The following CCNP variants were observed in gnomAD, a reference collection of about 807,000 sequenced individuals.
The protein encoded by CCNP is cyclin P.
A neutral mutation model predicts 19.6 loss-of-function variants in CCNP; 18 were observed. That is an observed-to-expected ratio of 0.92 (90% CI 0.64 to 1.36). CCNP has a LOEUF of 1.36. Among genes scored for constraint, CCNP ranks in the 40% most tolerant of loss-of-function variants. The probability of loss-of-function intolerance (pLI) is 0.00; values close to 1 mark genes in which losing one functional copy is unlikely to be tolerated. For synonymous variants in CCNP, 228 were observed against 194.9 expected, an observed-to-expected ratio of 1.17 and a Z score of -1.41; for missense variants, 440 against 424.4, an observed-to-expected ratio of 1.04 and a Z score of -0.32.
Position 40,226,530 on chromosome 19 carries a change from C to G in CCNP, c.112G>C (p.Glu38Gln). Reference sequence around the variant, plus strand: ...TCGGGGACTGCGGCGCTTGAAGGCTCTGCGTCGAGGGAGGCAGCGAGACTC... The same window carrying G: ...TCGGGGACTGCGGCGCTTGAAGGCTGTGCGTCGAGGGAGGCAGCGAGACTC... ...LQSLAASLDAEPSSAAVPDGF... is the reference protein window; with the variant it reads ...LQSLAASLDAQPSSAAVPDGF... The change falls in exon 1 of 5, where the codon GAG becomes CAG. Residue 38 changes from glutamate (E) to glutamine (Q), a missense_variant. Coordinates refer to ENST00000430325, the MANE Select transcript of CCNP (RefSeq NM_024877.4). 1 of 1,590,412 alleles carries G rather than the reference C, an allele frequency of 6.3e-7. No individual in the cohort carries two copies. The highest frequency in any genetic ancestry group is 8.5e-7 in the Non-Finnish European group (1 of 1,169,880).
chr19:40,223,694 CG>C (rs1973493719), intron 3 of CCNP, 148 bp from the exon 4 acceptor site: 1 of 1,139,632 alleles, frequency 8.8e-7, no homozygotes, highest in Non-Finnish European at 1.3e-6. Context: ...GTAGAGAGCA[CG>C]GGCTTGAGGG....
rs1486341900 is a variant in CCNP, at chr19:40,225,055, G to C, written c.268-244C>G. 3.6e-5 allele frequency: 17 copies of C among 473,594 alleles called. No homozygotes were observed. In the East Asian group the frequency reaches 4.9e-4, roughly 14 times the overall value. The allele number at this position is 473,594 out of a possible 1,614,324, so 29.3% of individuals were successfully genotyped here. ...CTGGGCGTCTCCCTCTAGGTTCCCA[G>C]ACTTCACTTTTTTTTTTTTTTTTTG... On this transcript the variant is annotated intron_variant, in intron 1 of 4. Coordinates refer to ENST00000430325, the MANE Select transcript of CCNP (RefSeq NM_024877.4).
chr19:40,225,731 C>A (rs550910857), intron 1 of CCNP, among the ~76,000 whole-genome samples: 1 of 152,226 alleles, frequency 6.6e-6, no homozygotes, highest in African/African-American at 2.4e-5. Context: ...TCCTACCACC[C>A]GATCACTATC....
In CCNP at chr19:40,226,460, C is replaced by T. The variant is rs763602913; in HGVS notation, c.182G>A (p.Arg61Lys). 3 of 1,608,334 alleles carry T rather than the reference C, an allele frequency of 1.9e-6. No individual in the cohort carries two copies. The highest frequency in any genetic ancestry group is 2.5e-6 in the Non-Finnish European group (3 of 1,178,828). Residue 61 changes from arginine (R) to lysine (K), a missense_variant, in exon 1 of 5, where the codon AGG (arginine) becomes AAG (lysine). Transcript: ENST00000430325. Reference sequence around the variant, plus strand: ...CAGCGCCTCCTCCAGCCCCGGCGGCCTCGCCAGGCGTCTTGGGGAGACAGT... The same window carrying T: ...CAGCGCCTCCTCCAGCCCCGGCGGCTTCGCCAGGCGTCTTGGGGAGACAGT... ...GPTVSPRRLA[R>K]PPGLEEALSA...
chr19:40,224,831 G>C lies in CCNP; in HGVS notation c.268-20C>G, dbSNP rs755732232. On this transcript the variant is annotated intron_variant, in intron 1 of 4. Transcript: ENST00000430325. ...GCACACCTGGGGTTGGGGCAGGGAC[G>C]CTTCACTCTCCACACCTGTGCCTCT... is the stretch of plus-strand genomic sequence containing the variant. The C allele has an allele frequency of 1.7e-5, 27 of 1,543,046 alleles. No homozygotes were observed. The East Asian group carries it at 5.9e-4, about 34-fold the overall frequency.
At chr19:40,225,822 G>C (rs1323881222) in intron 1 of CCNP, among the ~76,000 whole-genome samples, 1 of 152,206 alleles carries the variant, frequency 6.6e-6, no homozygotes, top group Non-Finnish European at 1.5e-5. Flanking sequence ...AGTCCCACGA[G>C]GGCAGGGACT....
chr19:40,225,400 C>G (rs988265490), intron 1 of CCNP, among the ~76,000 whole-genome samples: 3 of 152,146 alleles, frequency 2.0e-5, no homozygotes, highest in Non-Finnish European at 4.4e-5. Flanking sequence ...ACCCCTCTGC[C>G]TCAGAGCACC....
intron 1 of CCNP, among the ~76,000 whole-genome samples, chr19:40,225,584 A>G (rs4490099): frequency 0.73 from 110,345 of 152,032 alleles, 40,214 homozygotes; most frequent in African/African-American, 0.78. Flanking sequence ...CCTTCTTTTT[A>G]GCTCCTAGAC....
rs570666778 is a variant in CCNP at position 40,223,487 on chromosome 19, G to A, written c.573C>T (p.Ala191=). ...DSFSRAELLR[A]ERRILSRLDF... ...CCAGGCGGCTCAGGATGCGACGCTCGGCGCGCAGCAGCTCCGCCCGTGAGA... is the reference window on the plus strand; with the variant it reads ...CCAGGCGGCTCAGGATGCGACGCTCAGCGCGCAGCAGCTCCGCCCGTGAGA... Residue 191 remains alanine (A), a synonymous_variant, in exon 4 of 5, where the codon GCC becomes GCT. Transcript: ENST00000430325. 10 of 1,610,304 alleles carry A rather than the reference G, an allele frequency of 6.2e-6. No homozygotes were observed. The highest frequency in any genetic ancestry group is 7.6e-6 in the Non-Finnish European group (9 of 1,177,622).
chr19:40,223,504 C>G lies in CCNP; in HGVS notation c.556G>C (p.Ala186Pro). ...CGACGCTCGGCGCGCAGCAGCTCCG[C>G]CCGTGAGAAGGAGTCCGCGCTCAGG... ...CLLSADSFSR[A>P]ELLRAERRIL... Residue 186 changes from alanine to proline, a missense_variant, in exon 4 of 5, where the codon GCG (alanine) becomes CCG (proline). Physicochemically the swap from Ala to Pro is conservative, Grantham distance 27 (BLOSUM62 -1). Transcript: ENST00000430325. The G allele has an allele frequency of 1.2e-6, 2 of 1,608,628 alleles. No homozygotes were observed. The highest frequency in any genetic ancestry group is 4.5e-5 in the East Asian group (2 of 44,760).
At chr19:40,223,747 C>CTGCT (rs1973494367) in intron 3 of CCNP, 1 of 695,198 alleles carries the variant, frequency 1.4e-6, no homozygotes, top group Admixed American at 2.4e-5. Context: ...ACCCCATCAT[C>CTGCT]TGCTCACTGT....
intron 1 of CCNP, among the ~76,000 whole-genome samples, chr19:40,225,354 C>T (rs1469774337): frequency 6.6e-6 from 1 of 152,136 alleles, no homozygotes; most frequent in East Asian, 1.9e-4. Context: ...CCACTGCACC[C>T]GGCCTCAGAC....
Position 40,222,510 on chromosome 19 carries a change from T to G in CCNP, c.*542A>C, listed in dbSNP as rs2304184. On this transcript the variant is annotated 3_prime_UTR_variant, in exon 5 of 5. Coordinates refer to ENST00000430325, the MANE Select transcript of CCNP (RefSeq NM_024877.4). ...GATGGAGAAACTGAGGCAGGGCAAG[T>G]GGTTGGAGATGACCCATCCTTGGAA... is the stretch of plus-strand genomic sequence containing the variant. 0.73 allele frequency: 292,154 copies of G among 398,634 alleles called. 107,423 individuals carry two copies. The highest frequency in any genetic ancestry group is 0.82 in the African/African-American group (39,824 of 48,690). The allele number at this position is 398,634 out of a possible 1,614,324, so 24.7% of individuals were successfully genotyped here.
intron 1 of CCNP, 138 bp from the exon 2 acceptor site, chr19:40,224,949 A>C: frequency 1.4e-6 from 1 of 716,630 alleles, no homozygotes; most frequent in Non-Finnish European, 2.3e-6. Context: ...CCTCCAAATG[A>C]GCTCCTCTTA....
In CCNP at chr19:40,226,398, C is replaced by T. The variant is rs1420222204; in HGVS notation, c.244G>A (p.Gly82Arg). The change falls in exon 1 of 5, where the codon GGG becomes AGG. Residue 82 changes from glycine (G) to arginine (R), a missense_variant. By Grantham distance (125) the Gly-to-Arg change is moderately radical. Coordinates refer to ENST00000430325, the MANE Select transcript of CCNP (RefSeq NM_024877.4). Reference protein sequence around the residue: ...LGLQGEREYAGDIFAEVMVCR... With the variant: ...LGLQGEREYARDIFAEVMVCR... ...ACCATGACTTCGGCGAAGATGTCCCCGGCGTACTCGCGTTCTCCCTGCAGC... is the reference window on the plus strand; with the variant it reads ...ACCATGACTTCGGCGAAGATGTCCCTGGCGTACTCGCGTTCTCCCTGCAGC... 1.9e-6 allele frequency: 3 copies of T among 1,607,110 alleles called. No individual in the cohort carries two copies. The highest frequency in any genetic ancestry group is 2.5e-6 in the Non-Finnish European group (3 of 1,179,716).
At chr19:40,225,955 A>G (rs1448124779) in intron 1 of CCNP, among the ~76,000 whole-genome samples, 3 of 152,134 alleles carry the variant, frequency 2.0e-5, no homozygotes, top group Non-Finnish European at 4.4e-5. Flanking sequence ...TCTCATAGGG[A>G]TATCTGAAGG....
Position 40,223,154 on chromosome 19 carries a change from G to A in CCNP, c.822C>T (p.Tyr274=). The A allele has an allele frequency of 6.4e-7, 1 of 1,551,630 alleles. No homozygotes were observed. The highest frequency in any genetic ancestry group is 8.7e-7 in the Non-Finnish European group (1 of 1,146,968). Residue 274 remains tyrosine (Y), a synonymous_variant, in exon 5 of 5, where the codon TAC becomes TAT. Transcript: ENST00000430325. The part of the protein sequence containing the change: ...GAGSRLQPEL[Y]RCSLGGGSVW... ...CACTTCCTCCGCCAAGACTACACCT[G>A]TAAAGTTCTGGCTGGAGCCTGGAGC...
At position 40,224,506 on chromosome 19, in the gene CCNP, T is replaced by C. The variant is rs1973509977; in HGVS notation, c.495A>G (p.Glu165=). Residue 165 remains glutamate (E), a synonymous_variant, in exon 3 of 5, where the codon GAA becomes GAG. Transcript: ENST00000430325. ...GAAGTACCTCGGGAAGCACGCACTC[T>C]TCCATTTTGCACGCCACAAACAGGC... is the stretch of plus-strand genomic sequence containing the variant. The part of the protein sequence containing the change: ...VACLFVACKM[E]ECVLPEPAFL... 5.6e-6 allele frequency: 9 copies of C among 1,613,892 alleles called. No homozygotes were observed. The highest frequency in any genetic ancestry group is 6.8e-6 in the Non-Finnish European group (8 of 1,179,844).
At chr19:40,225,296 T>A (rs1973524305) in intron 1 of CCNP, among the ~76,000 whole-genome samples, 1 of 151,970 alleles carries the variant, frequency 6.6e-6, no homozygotes, top group South Asian at 2.1e-4. Flanking sequence ...TGACCTCAGG[T>A]GATCCGCCCA....
Sources: gnomAD v4.1 joint callset for allele counts (sites outside exome capture counted in the v4.1 genomes callset) on GRCh38, gnomAD v4.1.1 for gene constraint, MANE v1.5 for transcripts, NCBI Gene and HGNC (gene_info 2026-07-23, HGNC 2026-07-21) for gene names.